Variants in CCDC7 observed in about 807,000 individuals in gnomAD.
The protein encoded by CCDC7 is coiled-coil domain containing 7.
CCDC7 carries 183 observed loss-of-function variants against 196.9 expected under a neutral mutation model. The ratio of observed to expected loss-of-function variants is 0.93; its 90% confidence interval spans 0.82 to 1.05. The LOEUF is 1.05. Ranked by LOEUF, CCDC7 falls within the 50% of genes least tolerant of loss-of-function variation. CCDC7 has a pLI of 0.00. For missense variants in CCDC7, 1,540 were observed against 1,482.2 expected (o/e 1.04, Z -0.64); for synonymous variants, 525 against 484.6 (o/e 1.08, Z -1.10).
intron 3 of CCDC7, among the ~76,000 whole-genome samples, chr10:32,460,705 A>G (rs541388967): frequency 6.6e-6 from 1 of 152,336 alleles, no homozygotes; most frequent in South Asian, 2.1e-4. Flanking sequence ...TTTCTGAAGG[A>G]TCTCAGCACT....
chr10:32,516,936 A>T (rs924985116), intron 9 of CCDC7, among the ~76,000 whole-genome samples: 2 of 152,222 alleles, frequency 1.3e-5, no homozygotes, highest in African/African-American at 4.8e-5. Context: ...AGTGTTGGAT[A>T]AATAAAATGT....
At chr10:32,504,083 A>G (rs1317876394) in intron 9 of CCDC7, among the ~76,000 whole-genome samples, 4 of 84,100 alleles carry the variant, frequency 4.8e-5, no homozygotes, top group Non-Finnish European at 8.1e-5. Context: ...AACCTTTTCT[A>G]TTGTTTTTCT....
At chr10:32,500,466 T>C (rs61355209) in intron 9 of CCDC7, among the ~76,000 whole-genome samples, 7,911 of 136,034 alleles carry the variant, frequency 0.058, 684 homozygotes, top group African/African-American at 0.2. Context: ...GGGGCAGAGG[T>C]GCTCCCCACA....
chr10:32,849,619 C>T (rs1244482130), intron 39 of CCDC7, among the ~76,000 whole-genome samples: 1 of 147,722 alleles, frequency 6.8e-6, no homozygotes, highest in African/African-American at 2.5e-5. Context: ...AGGAGAATCG[C>T]TTGAATCCAG....
chr10:32,755,192 A>T (rs1239284157), intron 28 of CCDC7, among the ~76,000 whole-genome samples: 1 of 152,146 alleles, frequency 6.6e-6, no homozygotes, highest in African/African-American at 2.4e-5. Flanking sequence ...CTCTGGGGGC[A>T]GGGTAGAGCT....
intron 9 of CCDC7, among the ~76,000 whole-genome samples, chr10:32,510,387 T>C (rs2045920259): frequency 1.3e-5 from 2 of 152,202 alleles, no homozygotes; most frequent in African/African-American, 2.4e-5. Flanking sequence ...TGAACAATAC[T>C]GCATTGTATA....
At chr10:32,608,215 C>A (rs1431651694) in intron 18 of CCDC7, among the ~76,000 whole-genome samples, 1 of 152,024 alleles carries the variant, frequency 6.6e-6, no homozygotes, top group East Asian at 1.9e-4. Flanking sequence ...CTTAGTCCAG[C>A]TAACAGTTCA....
intron 18 of CCDC7, among the ~76,000 whole-genome samples, chr10:32,593,616 C>A (rs909362531): frequency 1.1e-4 from 17 of 152,154 alleles, no homozygotes; most frequent in African/African-American, 4.1e-4. Flanking sequence ...CACATGAAGT[C>A]CTTGCCCATG....
rs1381220785 is a variant in CCDC7, at chr10:32,503,788, T to C, written c.872+11791T>C. On this transcript the variant is annotated intron_variant, in intron 9 of 41. Coordinates refer to ENST00000639629, the Ensembl canonical transcript of CCDC7. ...CTTTGATAGGAGATTTTTTTATTATTGATTGACACTTCTTGGTCATTATTG... is the reference window on the plus strand; with the variant it reads ...CTTTGATAGGAGATTTTTTTATTATCGATTGACACTTCTTGGTCATTATTG... Among the ~76,000 whole-genome samples, 3 of 152,172 alleles carry C rather than the reference T, an allele frequency of 2.0e-5. No homozygotes were observed. The East Asian group carries it at 5.8e-4, about 29-fold the overall frequency.
chr10:32,564,441 C>T (rs1000029192), intron 13 of CCDC7, among the ~76,000 whole-genome samples: 1 of 152,160 alleles, frequency 6.6e-6, no homozygotes, highest in African/African-American at 2.4e-5. Flanking sequence ...GAAAATGTTG[C>T]ACATATACAC....
intron 30 of CCDC7, among the ~76,000 whole-genome samples, chr10:32,810,077 A>ACT (rs35923820): frequency 0.34 from 51,773 of 151,862 alleles, 11,239 homozygotes; most frequent in Non-Finnish European, 0.49. Flanking sequence ...CTCAAATGTT[A>ACT]CTATGGCAGA....
chr10:32,657,103 C>T (rs1397982525), intron 20 of CCDC7, among the ~76,000 whole-genome samples: 2 of 152,270 alleles, frequency 1.3e-5, no homozygotes, highest in African/African-American at 4.8e-5. Flanking sequence ...CAGCTCCACC[C>T]TTGTGGCTTT....
At chr10:32,698,990 A>G (rs926383689) in intron 24 of CCDC7, among the ~76,000 whole-genome samples, 1 of 152,226 alleles carries the variant, frequency 6.6e-6, no homozygotes, top group African/African-American at 2.4e-5. Flanking sequence ...AGCCCATCAG[A>G]CTAACAGCTG....
chr10:32,772,883 C>A (rs1365025738), intron 28 of CCDC7, among the ~76,000 whole-genome samples: 3 of 152,172 alleles, frequency 2.0e-5, no homozygotes, highest in Non-Finnish European at 4.4e-5. Flanking sequence ...CTTCACCTGA[C>A]TCGCAGTGTA....
At chr10:32,493,629 A>C (rs1259784990) in intron 9 of CCDC7, among the ~76,000 whole-genome samples, 1 of 151,930 alleles carries the variant, frequency 6.6e-6, no homozygotes, top group Non-Finnish European at 1.5e-5. Flanking sequence ...TTTTCCATAA[A>C]GCTGAACTAA....
intron 30 of CCDC7, among the ~76,000 whole-genome samples, chr10:32,806,872 GA>G (rs1358748731): frequency 5.3e-5 from 8 of 152,046 alleles, no homozygotes; most frequent in African/African-American, 1.9e-4. Context: ...AAAGCAGCAA[GA>G]GAAAAACAAT....
At chr10:32,729,641 C>T (rs922039655) in intron 28 of CCDC7, among the ~76,000 whole-genome samples, 184 bp downstream of exon 29, 3 of 152,014 alleles carry the variant, frequency 2.0e-5, no homozygotes, top group Non-Finnish European at 4.4e-5. Flanking sequence ...AAATCTGCCA[C>T]TTTGTGGATT....
At chr10:32,582,309 A>G (rs1474220118) in intron 16 of CCDC7, among the ~76,000 whole-genome samples, 9 of 151,770 alleles carry the variant, frequency 5.9e-5, no homozygotes, top group Admixed American at 1.3e-4. Flanking sequence ...ACACTTTGCA[A>G]CAAACCTTAG....
At chr10:32,521,863 G>A (rs2047931318) in intron 11 of CCDC7, among the ~76,000 whole-genome samples, 1 of 152,038 alleles carries the variant, frequency 6.6e-6, no homozygotes, top group Non-Finnish European at 1.5e-5. Context: ...TATTATCGTT[G>A]AGGTATGTTT....
Sources: gnomAD v4.1 joint callset for allele counts (sites outside exome capture counted in the v4.1 genomes callset) on GRCh38, gnomAD v4.1.1 for gene constraint, MANE v1.5 for transcripts, NCBI Gene and HGNC (gene_info 2026-07-23, HGNC 2026-07-21) for gene names.